MCF2L2: variants seen among roughly 807,000 people sequenced by gnomAD.
The protein encoded by MCF2L2 is MCF.2 cell line derived transforming sequence-like 2.
Under a neutral mutation model 150.2 loss-of-function variants are expected in MCF2L2, and 102 were observed. The observed-to-expected ratio is 0.68, with a 90% CI of 0.58 to 0.80. The LOEUF is 0.80. Ranked by LOEUF, MCF2L2 falls within the 30% of genes least tolerant of loss-of-function variation. The pLI, the probability that MCF2L2 is intolerant of heterozygous loss-of-function variation, is 0.00. For missense variants in MCF2L2, 1,256 were observed against 1,372.8 expected (o/e 0.91, Z 1.34); for synonymous variants, 465 against 491.3 (o/e 0.95, Z 0.71).
At chr3:183,367,914 T>C (rs1712635565) in intron 3 of MCF2L2, among the ~76,000 whole-genome samples, 1 of 152,150 alleles carries the variant, frequency 6.6e-6, no homozygotes, top group South Asian at 2.1e-4. Flanking sequence ...CAGACATAAA[T>C]ATGCATGTTA....
At chr3:183,201,036 T>G (rs1210463845) in intron 25 of MCF2L2, among the ~76,000 whole-genome samples, 3 of 152,218 alleles carry the variant, frequency 2.0e-5, no homozygotes, top group Non-Finnish European at 4.4e-5. Flanking sequence ...AGCCTTGTAG[T>G]ATAGTTTGAA....
At chr3:183,212,949 G>T (rs993749065) in intron 22 of MCF2L2, among the ~76,000 whole-genome samples, 4 of 134,746 alleles carry the variant, frequency 3.0e-5, no homozygotes, top group East Asian at 2.7e-4. Flanking sequence ...TAGGTATTGT[G>T]GGGGGGTGGG....
At chr3:183,301,014 C>CAAAAA (rs11388183) in intron 10 of MCF2L2, among the ~76,000 whole-genome samples, 4 of 65,620 alleles carry the variant, frequency 6.1e-5, no homozygotes, top group Non-Finnish European at 1.3e-4. Context: ...GACTCCATCT[C>CAAAAA]AAAAAAAAAA....
At chr3:183,398,971 AAATT>A (rs1714606984) in intron 1 of MCF2L2, among the ~76,000 whole-genome samples, 1 of 152,224 alleles carries the variant, frequency 6.6e-6, no homozygotes, top group Admixed American at 6.5e-5. Flanking sequence ...CTCTTCTTTC[AAATT>A]ATTTCCTCTC....
chr3:183,362,246 A>G (rs1190683168), intron 3 of MCF2L2, among the ~76,000 whole-genome samples: 1 of 152,100 alleles, frequency 6.6e-6, no homozygotes, highest in Admixed American at 6.6e-5. Context: ...CTGGGACTAC[A>G]GGTGCACACC....
rs2108478675 is a variant in MCF2L2, at chr3:183,288,986, C to G, written c.1776+134G>C. The G allele has an allele frequency of 1.2e-5, 7 of 581,262 alleles. No individual in the cohort carries two copies. The South Asian group carries it at 1.8e-4, about 15-fold the overall frequency. 36.0% of individuals were successfully genotyped at this position (581,262 alleles called of 1,614,324 possible). On this transcript the variant is annotated intron_variant, in intron 14 of 29. Transcript: ENST00000328913. ...AAAAAAAATCCTATAAACCCCAGTT[C>G]TTGAAAGCATTAGTCTGTGCTATGT...
At chr3:183,200,419 G>A (rs1255953024) in intron 25 of MCF2L2, among the ~76,000 whole-genome samples, 1 of 152,214 alleles carries the variant, frequency 6.6e-6, no homozygotes, top group Admixed American at 6.5e-5. Context: ...CTGCATAAAT[G>A]TCTTCTTTTG....
rs540524921 is a variant in MCF2L2 at position 183,428,234 on chromosome 3, C to T, written c.-257G>A. On this transcript the variant is annotated 5_prime_UTR_variant, in exon 1 of 30. Coordinates refer to ENST00000328913, the MANE Select transcript of MCF2L2 (RefSeq NM_015078.4). The surrounding 1 kb of genome is among the most constrained non-coding windows in gnomAD (Gnocchi z 5.1). ...GACCGAGAGAGGAGCGGCCGTTCTG[C>T]AAAAGGAAGCAAGTCGCCAATCTCG... The T allele has an allele frequency of 2.1e-4, 97 of 454,606 alleles. No homozygotes were observed. Among genetic ancestry groups the T allele is most frequent in the African/African-American group, 1.8e-3 (89 of 48,370 alleles). The allele number at this position is 454,606 out of a possible 1,614,324, so 28.2% of individuals were successfully genotyped here. A position where few individuals can be genotyped will look rare whatever the true frequency, so the allele number is the denominator to read the frequency against.
intron 5 of MCF2L2, among the ~76,000 whole-genome samples, chr3:183,325,643 G>A (rs907927748): frequency 7.9e-5 from 12 of 152,132 alleles, no homozygotes; most frequent in Admixed American, 3.3e-4. Flanking sequence ...GGTAATAATC[G>A]ACATTTTAAA....
chr3:183,364,474 C>T (rs1471795446), intron 3 of MCF2L2, among the ~76,000 whole-genome samples: 1 of 151,960 alleles, frequency 6.6e-6, no homozygotes, highest in African/African-American at 2.4e-5. Context: ...GAGCCAAGAT[C>T]ACGCCACTGC....
chr3:183,296,847 C>T lies in MCF2L2; in HGVS notation c.1497+129G>A, dbSNP rs375554740. 161 of 1,019,156 alleles carry T rather than the reference C, an allele frequency of 1.6e-4. 1 individual carries two copies. The highest frequency in any genetic ancestry group is 2.9e-4 in the Middle Eastern group (1 of 3,454). 63.1% of individuals were successfully genotyped at this position (1,019,156 alleles called of 1,614,324 possible). On this transcript the variant is annotated intron_variant, in intron 12 of 29. Coordinates refer to ENST00000328913, the MANE Select transcript of MCF2L2 (RefSeq NM_015078.4). ...AGTCTAAGAGGCCGCCGGAGGGCTTCGGAACCAGTGAGCCCACTCAATTCA... is the reference window on the plus strand; with the variant it reads ...AGTCTAAGAGGCCGCCGGAGGGCTTTGGAACCAGTGAGCCCACTCAATTCA...
intron 1 of MCF2L2, among the ~76,000 whole-genome samples, chr3:183,393,912 G>A (rs183528731): frequency 1.3e-5 from 2 of 152,310 alleles, no homozygotes; most frequent in East Asian, 1.9e-4. Context: ...TGCTGCAACT[G>A]CTAAAGGATA....
intron 22 of MCF2L2, among the ~76,000 whole-genome samples, chr3:183,215,165 T>C (rs915259755): frequency 6.6e-6 from 1 of 152,110 alleles, no homozygotes; most frequent in Non-Finnish European, 1.5e-5. Flanking sequence ...ACCTTGATTT[T>C]AGCCCATGAG....
Position 183,179,575 on chromosome 3 carries a change from A to G in MCF2L2, c.3221+2T>C, listed in dbSNP as rs780719463. On this transcript the variant is annotated splice_donor_variant, in intron 29 of 29. Transcript: ENST00000328913. LOFTEE classifies it high-confidence loss of function. This position sits in a 1 kb window ranked among gnomAD's most constrained non-coding sequence, Gnocchi z 4.2. ...GCTTAGTCTTTCCTCGCTCACACTC[A>G]CGTTTCCTCCTCATCGCGTTCTTCT... 2 of 1,613,536 alleles carry G rather than the reference A, an allele frequency of 1.2e-6. No individual in the cohort carries two copies. The highest frequency in any genetic ancestry group is 4.5e-5 in the East Asian group (2 of 44,802).
intron 1 of MCF2L2, chr3:183,400,523 G>C (rs368260837): frequency 2.2e-6 from 1 of 455,138 alleles, no homozygotes; most frequent in Non-Finnish European, 4.4e-6. Context: ...CACCTCGCTC[G>C]CTCTCCATTT....
chr3:183,384,138 G>C (rs1713693726), intron 2 of MCF2L2, among the ~76,000 whole-genome samples: 1 of 152,202 alleles, frequency 6.6e-6, no homozygotes, highest in African/African-American at 2.4e-5. Context: ...TGTTATGTGT[G>C]TTTTGAAACC....
intron 7 of MCF2L2, among the ~76,000 whole-genome samples, chr3:183,312,380 A>G (rs1212133626): frequency 1.3e-5 from 2 of 152,188 alleles, no homozygotes; most frequent in East Asian, 3.8e-4. Flanking sequence ...GCAGCTGTGG[A>G]AGGCTACTTC....
At chr3:183,264,915 C>T (rs1257850298) in intron 15 of MCF2L2, among the ~76,000 whole-genome samples, 1 of 152,148 alleles carries the variant, frequency 6.6e-6, no homozygotes, top group Non-Finnish European at 1.5e-5. Flanking sequence ...GATGTTCCTA[C>T]TTCTATTCTT....
intron 15 of MCF2L2, among the ~76,000 whole-genome samples, chr3:183,240,838 C>T (rs1171188845): frequency 6.6e-6 from 1 of 152,250 alleles, no homozygotes; most frequent in South Asian, 2.1e-4. Flanking sequence ...TTTCCACTTT[C>T]TTTCAAGTTC....
Sources: gnomAD v4.1 joint callset for allele counts (sites outside exome capture counted in the v4.1 genomes callset) on GRCh38, gnomAD v4.1.1 for gene constraint, Gnocchi (gnomAD v3.1) non-coding constraint, MANE v1.5 for transcripts, NCBI Gene and HGNC (gene_info 2026-07-23, HGNC 2026-07-21) for gene names.